The following FANCC variants were observed in gnomAD, a reference collection of about 807,000 sequenced individuals.
FANCC encodes the protein Fanconi anemia group C protein.
A neutral mutation model predicts 71.3 loss-of-function variants in FANCC; 55 were observed. The ratio of observed to expected loss-of-function variants is 0.77; its 90% CI spans 0.62 to 0.97. The LOEUF (loss-of-function observed/expected upper bound fraction) is 0.97, where lower values mean the gene tolerates loss of function less well. Ranked by LOEUF, FANCC falls within the 50% of genes least tolerant of loss-of-function variation. The pLI, the probability that FANCC is intolerant of heterozygous loss-of-function variation, is 0.00. For synonymous variants in FANCC, 275 were observed against 244.9 expected (o/e 1.12, Z -1.15); for missense variants, 678 against 670.9 (o/e 1.01, Z -0.12).
At chr9:95,233,136 A>C (rs1263599290) in intron 4 of FANCC, among the ~76,000 whole-genome samples, 1 of 152,126 alleles carries the variant, frequency 6.6e-6, no homozygotes, top group Non-Finnish European at 1.5e-5. Flanking sequence ...AGGAGGGGAG[A>C]TGGATACTGG....
chr9:95,114,064 AAGAC>A (rs1255568811), intron 12 of FANCC: 3 of 175,714 alleles, frequency 1.7e-5, no homozygotes, highest in East Asian at 1.3e-4. Context: ...TCCAGCCTGA[AAGAC>A]AGAGCAAGAC....
intron 4 of FANCC, among the ~76,000 whole-genome samples, chr9:95,201,349 C>T (rs1827793886): frequency 6.6e-6 from 1 of 152,192 alleles, no homozygotes; most frequent in South Asian, 2.1e-4. Context: ...CATGCTGCTA[C>T]TGTGGCTAAC....
At chr9:95,152,053 C>T (rs1054566433) in intron 6 of FANCC, among the ~76,000 whole-genome samples, 2 of 152,164 alleles carry the variant, frequency 1.3e-5, no homozygotes, top group Admixed American at 6.5e-5. Flanking sequence ...GCAAATTTAA[C>T]GGACAAAAAT....
intron 4 of FANCC, among the ~76,000 whole-genome samples, chr9:95,230,235 G>A (rs1394271913): frequency 6.6e-6 from 1 of 152,200 alleles, no homozygotes. Context: ...AGGGTTCCGT[G>A]CGGTGTAGTG....
chr9:95,195,252 T>A (rs1376509368), intron 4 of FANCC, among the ~76,000 whole-genome samples: 1 of 150,684 alleles, frequency 6.6e-6, no homozygotes, highest in Non-Finnish European at 1.5e-5. Context: ...AGCCTTTTTT[T>A]TTTTTTTTGA....
chr9:95,133,283 T>C (rs576867571), intron 8 of FANCC, among the ~76,000 whole-genome samples: 15 of 152,248 alleles, frequency 9.9e-5, no homozygotes, highest in Non-Finnish European at 1.8e-4. Flanking sequence ...ATCGTCTGTA[T>C]TGTAATTACG....
intron 4 of FANCC, among the ~76,000 whole-genome samples, chr9:95,186,334 A>G (rs1346235396): frequency 2.6e-5 from 4 of 152,164 alleles, no homozygotes; most frequent in South Asian, 2.1e-4. Flanking sequence ...CAGGGGCCTG[A>G]CCTGTGCATT....
intron 6 of FANCC, among the ~76,000 whole-genome samples, chr9:95,163,614 C>T (rs963434374): frequency 1.6e-4 from 24 of 152,182 alleles, no homozygotes; most frequent in Non-Finnish European, 3.1e-4. Context: ...CTTTGGGAGG[C>T]CAAGGCAAGT....
chr9:95,302,697 A>T (rs1834822205), intron 1 of FANCC, among the ~76,000 whole-genome samples: 1 of 152,202 alleles, frequency 6.6e-6, no homozygotes, highest in Non-Finnish European at 1.5e-5. Flanking sequence ...GGGAGAGCAC[A>T]GCAACATTCA....
intron 4 of FANCC, among the ~76,000 whole-genome samples, chr9:95,210,297 A>G (rs899339293): frequency 1.3e-5 from 2 of 152,202 alleles, no homozygotes; most frequent in Non-Finnish European, 2.9e-5. Context: ...GTAACATTCT[A>G]TTCCTAACAC....
rs146360241 is a variant in FANCC at position 95,227,805 on chromosome 9, C to T, written c.345+12844G>A. On this transcript the variant is annotated intron_variant, in intron 4 of 14. Coordinates refer to ENST00000289081, the MANE Select transcript of FANCC (RefSeq NM_000136.3). ...ACCTAACATTTGATTAATGAGATGG[C>T]CATTCTTCTTATCATTAGCAAGAAG... Among the ~76,000 whole-genome samples the T allele has an allele frequency of 1.2e-3, 183 of 152,288 alleles. 2 individuals carry two copies. The highest frequency in any genetic ancestry group is 4.3e-3 in the African/African-American group (178 of 41,552).
intron 4 of FANCC, among the ~76,000 whole-genome samples, chr9:95,234,118 T>C (rs1322498583): frequency 6.6e-6 from 1 of 152,174 alleles, no homozygotes; most frequent in Non-Finnish European, 1.5e-5. Flanking sequence ...CTACTATGAA[T>C]GCAACCTAAG....
Position 95,151,265 on chromosome 9 carries a change from C to G in FANCC, c.522-1178G>C, listed in dbSNP as rs543841558. Among the ~76,000 whole-genome samples, 4 of 152,292 alleles carry G rather than the reference C, an allele frequency of 2.6e-5. No individual in the cohort carries two copies. The East Asian group carries it at 5.8e-4, about 22-fold the overall frequency. On this transcript the variant is annotated intron_variant, in intron 6 of 14. Coordinates refer to ENST00000289081, the MANE Select transcript of FANCC (RefSeq NM_000136.3). ...AGCTTCTCCTACTTTGCCCACCGCTCTATTCCTAGCACCTAGGGATAACTC... is the reference window on the plus strand; with the variant it reads ...AGCTTCTCCTACTTTGCCCACCGCTGTATTCCTAGCACCTAGGGATAACTC...
chr9:95,222,700 T>C (rs1431740078), intron 4 of FANCC, among the ~76,000 whole-genome samples: 1 of 152,232 alleles, frequency 6.6e-6, no homozygotes, highest in Non-Finnish European at 1.5e-5. Flanking sequence ...TTGCCACAAT[T>C]CTATGTAATA....
intron 3 of FANCC, among the ~76,000 whole-genome samples, chr9:95,245,898 C>CA (rs140313312): frequency 0.015 from 1,726 of 115,976 alleles, 25 homozygotes; most frequent in African/African-American, 0.052. Context: ...AACTCTGTCT[C>CA]AAAAAAAAAA....
intron 12 of FANCC, chr9:95,114,374 G>C (rs568164444): frequency 7.6e-5 from 40 of 524,008 alleles, no homozygotes; most frequent in African/African-American, 6.7e-4. Context: ...TCTAAAACCA[G>C]ACGTTAATGT....
chr9:95,228,768 C>T (rs1045319714), intron 4 of FANCC, among the ~76,000 whole-genome samples: 7 of 152,082 alleles, frequency 4.6e-5, no homozygotes, highest in African/African-American at 1.2e-4. Context: ...GTGTTGTTCT[C>T]GGAGAGGAGC....
At chr9:95,111,333 T>C (rs1198237268) in intron 13 of FANCC, 130 bp downstream of exon 13, 2 of 1,597,652 alleles carry the variant, frequency 1.3e-6, no homozygotes, top group Non-Finnish European at 8.5e-7. Flanking sequence ...CAGGTTGCCA[T>C]GACATATGCC....
rs1588100992 is a variant in FANCC at position 95,125,173 on chromosome 9, C to G, written c.909G>C (p.Leu303=). The G allele has an allele frequency of 6.2e-6, 10 of 1,614,070 alleles. No individual in the cohort carries two copies. The highest frequency in any genetic ancestry group is 8.5e-6 in the Non-Finnish European group (10 of 1,179,904). The change falls in exon 10 of 15, where the codon CTG becomes CTC. Residue 303 remains leucine (L), a synonymous_variant. Transcript: ENST00000289081. ...VVDEMFRCAL[L]ETDGALEIIA... ...TGATTTCCAGGGCCCCATCGGTTTC[C>G]AGGAGTGCACACCTGAACAATGCAA...
Sources: allele counts gnomAD v4.1 joint callset (sites outside exome capture counted in the v4.1 genomes callset), GRCh38; gene constraint gnomAD v4.1.1; transcripts MANE v1.5; gene names NCBI Gene and HGNC (gene_info 2026-07-23, HGNC 2026-07-21).